Variants in IMMP2L observed in about 807,000 individuals in gnomAD.
IMMP2L encodes inner mitochondrial membrane peptidase subunit 2.
Under a neutral mutation model 19.3 loss-of-function variants are expected in IMMP2L, and 18 were observed. The observed-to-expected ratio is 0.93, with a 90% CI of 0.64 to 1.38. IMMP2L has a LOEUF of 1.38. Ranked by LOEUF, IMMP2L falls within the 40% of genes most tolerant of loss-of-function variation. The probability of loss-of-function intolerance (pLI) is 0.00; values close to 1 mark genes in which losing one functional copy is unlikely to be tolerated. For synonymous variants in IMMP2L, 76 were observed against 73.0 expected (o/e 1.04, Z -0.21); for missense variants, 233 against 218.2 (o/e 1.07, Z -0.43).
chr7:111,106,552 C>T (rs214884), intron 3 of IMMP2L, among the ~76,000 whole-genome samples: 135,365 of 151,492 alleles, frequency 0.89, 60,556 homozygotes, highest in East Asian at 0.93. Context: ...CTCACTGCCC[C>T]AGGCTTGAGT....
At chr7:111,101,633 T>C (rs551806752) in intron 3 of IMMP2L, among the ~76,000 whole-genome samples, 89 of 151,666 alleles carry the variant, frequency 5.9e-4, no homozygotes, top group African/African-American at 2.0e-3. Context: ...GTCTTGTATA[T>C]TTCCTGTGAA....
intron 3 of IMMP2L, among the ~76,000 whole-genome samples, chr7:111,230,028 G>C (rs2129623815): frequency 6.6e-6 from 1 of 152,126 alleles, no homozygotes; most frequent in South Asian, 2.1e-4. Context: ...GAACAACAGG[G>C]ATTTGCAAGC....
intron 3 of IMMP2L, among the ~76,000 whole-genome samples, chr7:111,415,907 G>C (rs1463388108): frequency 2.6e-5 from 4 of 151,358 alleles, no homozygotes; most frequent in African/African-American, 9.7e-5. Context: ...CAAAAAAACA[G>C]AAAAAAAATT....
chr7:111,080,860 C>T (rs927792556), intron 3 of IMMP2L, among the ~76,000 whole-genome samples: 1 of 152,192 alleles, frequency 6.6e-6, no homozygotes, highest in Non-Finnish European at 1.5e-5. Context: ...ATCCATTTTA[C>T]AAACAGAAAC....
At chr7:111,269,765 G>T (rs1293656826) in intron 3 of IMMP2L, among the ~76,000 whole-genome samples, 1 of 152,042 alleles carries the variant, frequency 6.6e-6, no homozygotes, top group Non-Finnish European at 1.5e-5. Flanking sequence ...CTATCTAAAA[G>T]AAGACCTATC....
intron 5 of IMMP2L, among the ~76,000 whole-genome samples, chr7:110,730,482 C>T (rs1368934022): frequency 1.3e-5 from 2 of 152,004 alleles, no homozygotes; most frequent in African/African-American, 2.4e-5. Context: ...GTCAGCTTCC[C>T]GACTTTTGAG....
At chr7:111,448,438 C>T (rs1316929583) in intron 3 of IMMP2L, among the ~76,000 whole-genome samples, 12 of 151,296 alleles carry the variant, frequency 7.9e-5, no homozygotes, top group African/African-American at 2.7e-4. Flanking sequence ...GGAAACTGAA[C>T]AACCTGCTCC....
At chr7:110,916,027 T>C (rs752578204) in intron 4 of IMMP2L, among the ~76,000 whole-genome samples, 15 of 152,166 alleles carry the variant, frequency 9.9e-5, no homozygotes, top group African/African-American at 1.4e-4. Context: ...TGAAAACATG[T>C]TTATTAAAAG....
intron 3 of IMMP2L, among the ~76,000 whole-genome samples, chr7:111,406,741 C>T (rs1833929625): frequency 6.6e-6 from 1 of 152,026 alleles, no homozygotes; most frequent in South Asian, 2.1e-4. Context: ...AAATTAGTGA[C>T]TCCTATCAAT....
intron 3 of IMMP2L, among the ~76,000 whole-genome samples, chr7:111,390,258 G>T (rs1319416043): frequency 2.6e-5 from 4 of 152,078 alleles, no homozygotes; most frequent in Non-Finnish European, 4.4e-5. Flanking sequence ...CTGTCTGAGG[G>T]CCCCACTGGC....
intron 3 of IMMP2L, among the ~76,000 whole-genome samples, chr7:111,413,684 A>G (rs1211766116): frequency 6.6e-6 from 1 of 152,000 alleles, no homozygotes; most frequent in Non-Finnish European, 1.5e-5. Flanking sequence ...AAATCTCAGC[A>G]AAGTTGAAAC....
chr7:110,861,098 T>TGTGTGAGAGA (rs780880935), intron 5 of IMMP2L, among the ~76,000 whole-genome samples: 3 of 141,638 alleles, frequency 2.1e-5, no homozygotes, highest in African/African-American at 8.1e-5. Flanking sequence ...TGTGTGTGTG[T>TGTGTGAGAGA]GAGAGAGAGA....
In IMMP2L at chr7:110,849,570, CT is replaced by C. The variant is rs149631413; in HGVS notation, c.408+37022del. Reference sequence around the variant, plus strand: ...AACATACGATAAAATGTTCATTGTCCTTGTAATCAAAGCAAAATGTAAATTA... The same window carrying C: ...AACATACGATAAAATGTTCATTGTCCTGTAATCAAAGCAAAATGTAAATTA... On this transcript the variant is annotated intron_variant, in intron 5 of 5. Transcript: ENST00000405709. 4.8e-3 allele frequency among the ~76,000 whole-genome samples: 735 copies of C among 152,060 alleles called. 9 individuals are homozygous for C. Among genetic ancestry groups the C allele is most frequent in the African/African-American group, 0.017 (699 of 41,508 alleles).
intron 5 of IMMP2L, among the ~76,000 whole-genome samples, chr7:110,871,386 C>T (rs1808522785): frequency 6.6e-6 from 1 of 151,776 alleles, no homozygotes; most frequent in African/African-American, 2.4e-5. Context: ...CAGGGGCATG[C>T]CAAAATTTAG....
chr7:111,034,686 T>G (rs28711130), intron 3 of IMMP2L, among the ~76,000 whole-genome samples: 99,987 of 151,878 alleles, frequency 0.66, 33,356 homozygotes, highest in Middle Eastern at 0.73. Context: ...ATTTTATGTC[T>G]AATAATTTCT....
chr7:111,362,609 T>C (rs1829367422), intron 3 of IMMP2L, among the ~76,000 whole-genome samples: 1 of 152,138 alleles, frequency 6.6e-6, no homozygotes, highest in Admixed American at 6.6e-5. Context: ...ATTTGATGTG[T>C]GAAAACTATC....
At chr7:111,527,194 G>A (rs1395238074) in intron 1 of IMMP2L, among the ~76,000 whole-genome samples, 1 of 152,058 alleles carries the variant, frequency 6.6e-6, no homozygotes, top group African/African-American at 2.4e-5. Context: ...CCAAGCAAGA[G>A]GGTCACTTCA....
At chr7:110,902,642 C>CTATTTTGTAGGCAATG (rs1585199892) in intron 4 of IMMP2L, among the ~76,000 whole-genome samples, 5 of 111,410 alleles carry the variant, frequency 4.5e-5, no homozygotes, top group South Asian at 4.0e-4. Flanking sequence ...AGTACAGACT[C>CTATTTTGTAGGCAATG]GGCCGGGCGC....
intron 5 of IMMP2L, among the ~76,000 whole-genome samples, chr7:110,753,442 G>A (rs761571786): frequency 6.6e-6 from 1 of 151,932 alleles, no homozygotes; most frequent in Non-Finnish European, 1.5e-5. Context: ...AATGCCTTCT[G>A]ACATTTAACT....
Sources: gnomAD v4.1 joint callset for allele counts (sites outside exome capture counted in the v4.1 genomes callset) on GRCh38, gnomAD v4.1.1 for gene constraint, MANE v1.5 for transcripts, NCBI Gene and HGNC (gene_info 2026-07-23, HGNC 2026-07-21) for gene names.